Variants in PDE1A observed in about 807,000 individuals in gnomAD.
PDE1A encodes dual specificity calcium/calmodulin-dependent 3',5'-cyclic nucleotide phosphodiesterase 1A.
PDE1A carries 35 observed loss-of-function variants against 61.7 expected under a neutral mutation model. The ratio of observed to expected loss-of-function variants is 0.57; its 90% CI spans 0.43 to 0.75. The LOEUF is 0.75. Among genes scored for constraint, PDE1A ranks in the 30% least tolerant of loss-of-function variants. The pLI, the probability that PDE1A is intolerant of heterozygous loss-of-function variation, is 0.00. For synonymous variants in PDE1A, 232 were observed against 213.2 expected (o/e 1.09, Z -0.77); for missense variants, 597 against 630.6 (o/e 0.95, Z 0.57).
At chr2:182,437,014 T>A (rs1355301807) in intron 2 of PDE1A, among the ~76,000 whole-genome samples, 1 of 151,994 alleles carries the variant, frequency 6.6e-6, no homozygotes, top group African/African-American at 2.4e-5. Context: ...GAGACTTGAT[T>A]TCAGAGACAC....
At chr2:182,161,696 G>A (rs901729122) in intron 13 of PDE1A, among the ~76,000 whole-genome samples, 4 of 152,222 alleles carry the variant, frequency 2.6e-5, no homozygotes, top group Admixed American at 1.3e-4. Flanking sequence ...ACAAGGAGGT[G>A]CGCTATACTC....
At chr2:182,542,605 T>A in the PDE1A span, among the ~76,000 whole-genome samples, 2 of 152,346 alleles carry the variant, frequency 1.3e-5, no homozygotes, top group South Asian at 4.1e-4. Flanking sequence ...TAATCCTTCA[T>A]AGCATGTTCT....
At chr2:182,620,926 C>A in the PDE1A span, among the ~76,000 whole-genome samples, 1 of 152,118 alleles carries the variant, frequency 6.6e-6, no homozygotes, top group East Asian at 1.9e-4. Context: ...ATCCAGTATG[C>A]TGTCCACCAG....
intron 1 of PDE1A, among the ~76,000 whole-genome samples, chr2:182,267,233 C>T (rs1692694210): frequency 6.6e-6 from 1 of 152,078 alleles, no homozygotes; most frequent in Non-Finnish European, 1.5e-5. Flanking sequence ...CCCTTTCACA[C>T]AGAGATCTCA....
chr2:182,364,168 G>A (rs533102903), intron 1 of PDE1A, among the ~76,000 whole-genome samples: 62 of 151,874 alleles, frequency 4.1e-4, no homozygotes, highest in African/African-American at 1.5e-3. Flanking sequence ...CCCTGAGTCC[G>A]CTTCTTCAAG....
chr2:182,674,921 TC>T, the PDE1A span, among the ~76,000 whole-genome samples: 1 of 152,118 alleles, frequency 6.6e-6, no homozygotes, highest in African/African-American at 2.4e-5. Context: ...CATTTGATTT[TC>T]TTTTCAAAAA....
chr2:182,690,477 C>G, the PDE1A span, among the ~76,000 whole-genome samples: 2 of 152,124 alleles, frequency 1.3e-5, no homozygotes, highest in East Asian at 3.9e-4. Flanking sequence ...CAAAAGTCAA[C>G]AGCGCTTCAT....
chr2:182,175,053 G>A (rs918802644), intron 13 of PDE1A, among the ~76,000 whole-genome samples: 2 of 152,072 alleles, frequency 1.3e-5, no homozygotes, highest in African/African-American at 4.8e-5. Flanking sequence ...CTTCATCCAT[G>A]TCCCTGCCAA....
chr2:182,255,916 C>A (rs1167012813), intron 2 of PDE1A, among the ~76,000 whole-genome samples: 2 of 151,790 alleles, frequency 1.3e-5, no homozygotes, highest in African/African-American at 2.4e-5. Flanking sequence ...TAATGATCCA[C>A]CCGCCTCGGC....
At chr2:182,192,459 T>G in intron 10 of PDE1A, among the ~76,000 whole-genome samples, 1 of 152,110 alleles carries the variant, frequency 6.6e-6, no homozygotes, top group East Asian at 1.9e-4. Context: ...AGGTAAACTA[T>G]GAAGGAACTA....
chr2:182,146,694 C>T (rs748808737), downstream of PDE1A, among the ~76,000 whole-genome samples: 3 of 152,026 alleles, frequency 2.0e-5, no homozygotes, highest in Non-Finnish European at 4.4e-5. Context: ...CTATGTTGGC[C>T]GGGCTGGTCT....
chr2:182,429,746 T>C (rs1303299768), upstream of PDE1A, among the ~76,000 whole-genome samples: 1 of 152,172 alleles, frequency 6.6e-6, no homozygotes, highest in Non-Finnish European at 1.5e-5. Context: ...TATTTTCCAT[T>C]AAGCATCATG....
chr2:182,447,363 C>A (rs537742957), intron 2 of PDE1A, among the ~76,000 whole-genome samples: 1 of 152,016 alleles, frequency 6.6e-6, no homozygotes, highest in Non-Finnish European at 1.5e-5. Context: ...TGTAAACACA[C>A]CGGACCCTCT....
upstream of PDE1A, among the ~76,000 whole-genome samples, chr2:182,523,817 C>T (rs1477442095): frequency 6.6e-6 from 1 of 152,036 alleles, no homozygotes; most frequent in African/African-American, 2.4e-5. Context: ...AAAATGGGAA[C>T]TATTATTAAC....
upstream of PDE1A, among the ~76,000 whole-genome samples, chr2:182,429,696 T>C (rs1009740242): frequency 6.6e-6 from 1 of 152,122 alleles, no homozygotes; most frequent in Admixed American, 6.6e-5. Context: ...GATCAACCCA[T>C]GTGACTTTTC....
chr2:182,635,173 G>A, the PDE1A span, among the ~76,000 whole-genome samples: 40 of 150,482 alleles, frequency 2.7e-4, no homozygotes, highest in Non-Finnish European at 4.3e-4. Context: ...ACTAAGTTTC[G>A]GTATTTTTTC....
At chr2:182,417,917 ACT>A in intron 1 of PDE1A, among the ~76,000 whole-genome samples, 1 of 152,322 alleles carries the variant, frequency 6.6e-6, no homozygotes, top group Non-Finnish European at 1.5e-5. Flanking sequence ...TTTGTGAATC[ACT>A]GTTTCAAAAT....
At chr2:182,386,135 G>A (rs537548942) in intron 1 of PDE1A, among the ~76,000 whole-genome samples, 21 of 152,298 alleles carry the variant, frequency 1.4e-4, no homozygotes, top group African/African-American at 5.1e-4. Flanking sequence ...ACGGAGTCTC[G>A]TTCACTCAGT....
chr2:182,188,060 T>C lies in PDE1A; in HGVS notation c.1207+919A>G, dbSNP rs73041884. ...ACCCAGCCAGTTCTATGTTCTTAAATGCCTGAGATGTGTAGACTGTCAACT... is the reference window on the plus strand; with the variant it reads ...ACCCAGCCAGTTCTATGTTCTTAAACGCCTGAGATGTGTAGACTGTCAACT... On this transcript the variant is annotated intron_variant, in intron 11 of 13. Coordinates refer to ENST00000351439, the Ensembl canonical transcript of PDE1A. 7.3e-3 allele frequency among the ~76,000 whole-genome samples: 1,105 copies of C among 152,292 alleles called. 11 individuals carry two copies. The highest frequency in any genetic ancestry group is 0.024 in the African/African-American group (1,011 of 41,550).
Sources: allele counts gnomAD v4.1 joint callset (sites outside exome capture counted in the v4.1 genomes callset), GRCh38; gene constraint gnomAD v4.1.1; transcripts MANE v1.5; gene names NCBI Gene and HGNC (gene_info 2026-07-23, HGNC 2026-07-21).